The following LRPAP1 variants were observed in gnomAD, a reference collection of about 807,000 sequenced individuals.
LRPAP1 encodes LDL receptor related protein associated protein 1.
In LRPAP1, 41 loss-of-function variants were observed where a neutral mutation model predicts 39.9. The ratio of observed to expected loss-of-function variants is 1.03; its 90% CI spans 0.80 to 1.33. The LOEUF (loss-of-function observed/expected upper bound fraction) is 1.33, where lower values mean the gene tolerates loss of function less well. Ranked by LOEUF, LRPAP1 falls within the 40% of genes most tolerant of loss-of-function variation. The probability of loss-of-function intolerance (pLI) is 0.00; values close to 1 mark genes in which losing one functional copy is unlikely to be tolerated. For synonymous variants in LRPAP1, 263 were observed against 212.7 expected (o/e 1.24, Z -2.06); for missense variants, 565 against 482.3 (o/e 1.17, Z -1.61).
chr4:3,516,275 A>C, intron 5 of LRPAP1, 77 bp from the exon 6 acceptor site: 1 of 1,132,184 alleles, frequency 8.8e-7, no homozygotes, highest in Non-Finnish European at 1.3e-6. Flanking sequence ...AACCACGCTG[A>C]GTGTGCGTGG....
chr4:3,524,889 G>A lies in LRPAP1; in HGVS notation c.349+18C>T, dbSNP rs760060726. ...GAAGAGGGATACTCGACCTGCATTA[G>A]GAAAGAAACAAACGTACCATTGAGG... is the stretch of plus-strand genomic sequence containing the variant. On this transcript the variant is annotated intron_variant, in intron 2 of 7. Coordinates refer to ENST00000650182, the MANE Select transcript of LRPAP1 (RefSeq NM_002337.4). 2 of 1,612,054 alleles carry A rather than the reference G, an allele frequency of 1.2e-6. No homozygotes were observed. Among genetic ancestry groups the A allele is most frequent in the African/African-American group, 1.3e-5 (1 of 74,914 alleles).
At position 3,512,807 on chromosome 4, in the gene LRPAP1, G is replaced by C. The variant is rs1729570040; in HGVS notation, c.*167C>G. 8 of 610,090 alleles carry C rather than the reference G, an allele frequency of 1.3e-5. No individual in the cohort carries two copies. Among genetic ancestry groups the C allele is most frequent in the Middle Eastern group, 4.4e-4 (1 of 2,294 alleles). The allele number at this position is 610,090 out of a possible 1,614,324, so 37.8% of individuals were successfully genotyped here. ...CCAAATGCTACCACCACCAAGCCCT[G>C]TGTCGCGACGGCAGCGGCTGCAGTC... is the stretch of plus-strand genomic sequence containing the variant. On this transcript the variant is annotated 3_prime_UTR_variant, in exon 8 of 8. Coordinates refer to ENST00000650182, the MANE Select transcript of LRPAP1 (RefSeq NM_002337.4).
chr4:3,514,694 G>T, intron 7 of LRPAP1, 58 bp downstream of exon 7: 1 of 1,535,740 alleles, frequency 6.5e-7, no homozygotes, highest in Non-Finnish European at 8.8e-7. Context: ...GCATGTGGGC[G>T]GCCTCATCTT....
At chr4:3,517,509 A>T (rs567438114) in intron 5 of LRPAP1, among the ~76,000 whole-genome samples, 1 of 152,324 alleles carries the variant, frequency 6.6e-6, no homozygotes, top group East Asian at 1.9e-4. Flanking sequence ...ACCCTGCACA[A>T]GGCTCTGGCC....
intron 5 of LRPAP1, 135 bp downstream of exon 5, chr4:3,517,899 C>T (rs1342344739): frequency 8.8e-7 from 1 of 1,137,188 alleles, no homozygotes; most frequent in Non-Finnish European, 1.2e-6. Flanking sequence ...CGTGGGTAGA[C>T]TGAGCGCGCC....
intron 1 of LRPAP1, among the ~76,000 whole-genome samples, chr4:3,526,209 G>A (rs979283993): frequency 6.6e-6 from 1 of 152,122 alleles, no homozygotes; most frequent in Non-Finnish European, 1.5e-5. Flanking sequence ...CAAATCTCTC[G>A]GCTCTCAGGA....
At position 3,508,947 on chromosome 4, in the gene LRPAP1, CAG is replaced by C. The variant is rs1457769210; in HGVS notation, c.*4025_*4026del. ...AAGGGGAAGCAAAGCCACTGTCAGA[CAG>C]AGGACACGCGTGTGCACACGGAAAC... On this transcript the variant is annotated 3_prime_UTR_variant, in exon 8 of 8. Coordinates refer to ENST00000650182, the MANE Select transcript of LRPAP1 (RefSeq NM_002337.4). The C allele has an allele frequency of 3.9e-5, 6 of 152,146 alleles. 1 individual carries two copies. The highest frequency in any genetic ancestry group is 2.6e-4 in the Admixed American group (4 of 15,278). 9.4% of individuals were successfully genotyped at this position (152,146 alleles called of 1,614,324 possible).
rs754157722 is a variant in LRPAP1 at position 3,525,173 on chromosome 4, A to G, written c.205-122T>C. 9 of 1,092,526 alleles carry G rather than the reference A, an allele frequency of 8.2e-6. No individual in the cohort carries two copies. The African/African-American group carries it at 9.2e-5, about 11-fold the overall frequency. The allele number at this position is 1,092,526 out of a possible 1,614,324, so 67.7% of individuals were successfully genotyped here. A position where few individuals can be genotyped will look rare whatever the true frequency, so the allele number is the denominator to read the frequency against. ...TGGGAGACCAGGAAGAGGTGGAGTCAGGGTCACTGTCAGCAGGATTCAAAC... is the reference window on the plus strand; with the variant it reads ...TGGGAGACCAGGAAGAGGTGGAGTCGGGGTCACTGTCAGCAGGATTCAAAC... On this transcript the variant is annotated intron_variant, in intron 1 of 7. Coordinates refer to ENST00000650182, the MANE Select transcript of LRPAP1 (RefSeq NM_002337.4).
At chr4:3,515,839 A>G in intron 6 of LRPAP1, 1 of 491,094 alleles carries the variant, frequency 2.0e-6, no homozygotes, top group Non-Finnish European at 3.7e-6. Flanking sequence ...CCAACTGTTG[A>G]CCATCCACAG....
chr4:3,531,905 G>A, intron 1 of LRPAP1: 1 of 495,184 alleles, frequency 2.0e-6, no homozygotes, highest in Non-Finnish European at 3.6e-6. Flanking sequence ...ATCTAGCCTG[G>A]TTCTGTCCCT....
At chr4:3,524,383 C>A (rs959161635) in intron 2 of LRPAP1, among the ~76,000 whole-genome samples, 1 of 152,182 alleles carries the variant, frequency 6.6e-6, no homozygotes, top group Non-Finnish European at 1.5e-5. Context: ...GGAGTATGTC[C>A]CCAAAACTTC....
rs949783602 is a variant in LRPAP1, at chr4:3,506,672, G to A, written c.*6302C>T. 1.3e-5 allele frequency: 2 copies of A among 152,064 alleles called. No individual in the cohort carries two copies. Among genetic ancestry groups the A allele is most frequent in the Admixed American group, 6.6e-5 (1 of 15,260 alleles). 9.4% of individuals were successfully genotyped at this position (152,064 alleles called of 1,614,324 possible). ...CAGGCATGAGCCACCGCACCCGGCC[G>A]GCTCGAGCTGTTTTTAAGAGGATAT... On this transcript the variant is annotated 3_prime_UTR_variant, in exon 8 of 8. Transcript: ENST00000650182.
rs549103008 is a variant in LRPAP1 at position 3,508,422 on chromosome 4, C to A, written c.*4552G>T. ...TGAAACAAATAATGCCAATCCTATACAAACTATGGCAGAACTTGTTTCAGG... is the reference window on the plus strand; with the variant it reads ...TGAAACAAATAATGCCAATCCTATAAAAACTATGGCAGAACTTGTTTCAGG... On this transcript the variant is annotated 3_prime_UTR_variant, in exon 8 of 8. Coordinates refer to ENST00000650182, the MANE Select transcript of LRPAP1 (RefSeq NM_002337.4). 3 of 152,190 alleles carry A rather than the reference C, an allele frequency of 2.0e-5. No individual in the cohort carries two copies. The highest frequency in any genetic ancestry group is 2.9e-5 in the Non-Finnish European group (2 of 68,034). 9.4% of individuals were successfully genotyped at this position (152,190 alleles called of 1,614,324 possible).
rs1730277960 is a variant in LRPAP1 at position 3,532,215 on chromosome 4, G to C, written c.198C>G (p.Ala66=). Residue 66 remains alanine, a synonymous_variant, in exon 1 of 8, where the codon GCC becomes GCG. Coordinates refer to ENST00000650182, the MANE Select transcript of LRPAP1 (RefSeq NM_002337.4). The part of the protein sequence containing the change: ...MEKLNQLWEK[A]QRLHLPPVRL... ...GACCGCGGGCCGCGCTCACTCGCTG[G>C]GCCTTCTCCCACAGCTGGTTCAACT... 2 of 1,550,040 alleles carry C rather than the reference G, an allele frequency of 1.3e-6. No homozygotes were observed. The highest frequency in any genetic ancestry group is 1.7e-6 in the Non-Finnish European group (2 of 1,146,624).
At chr4:3,515,934 ACACGAGTTCC>A (rs1344680007) in intron 6 of LRPAP1, 172 bp downstream of exon 6, 4 of 632,378 alleles carry the variant, frequency 6.3e-6, no homozygotes, top group South Asian at 2.0e-5. Flanking sequence ...CGCCCCTGAA[ACACGAGTTCC>A]CACGCAGATG....
rs543361949 is a variant in LRPAP1 at position 3,503,696 on chromosome 4, C to G, written c.*9278G>C. The G allele has an allele frequency of 1.3e-5, 2 of 152,220 alleles. No individual in the cohort carries two copies. The highest frequency in any genetic ancestry group is 2.9e-5 in the Non-Finnish European group (2 of 68,044). 9.4% of individuals were successfully genotyped at this position (152,220 alleles called of 1,614,324 possible). On this transcript the variant is annotated 3_prime_UTR_variant, in exon 8 of 8. Transcript: ENST00000650182. Reference sequence around the variant, plus strand: ...TTAGGGAAATGTGGTTAGTGTGGTACGTTGAGGGAAACTTATAACCTCACG... The same window carrying G: ...TTAGGGAAATGTGGTTAGTGTGGTAGGTTGAGGGAAACTTATAACCTCACG...
chr4:3,520,424 C>T (rs1237955024), intron 2 of LRPAP1, among the ~76,000 whole-genome samples: 2 of 152,216 alleles, frequency 1.3e-5, no homozygotes, highest in Non-Finnish European at 2.9e-5. Context: ...ACTCACGGGA[C>T]ACCCCCAGGA....
rs201496652 is a variant in LRPAP1, at chr4:3,514,812, C to T, written c.951G>A (p.Val317=). 1.2e-6 allele frequency: 2 copies of T among 1,613,312 alleles called. No homozygotes were observed. The highest frequency in any genetic ancestry group is 2.2e-5 in the East Asian group (1 of 44,882). ...GGGCGTGCTTCTCGCGGCTGCGGCT[C>T]ACACGCTCGCCGTCGCCCACGCTCT... ...HAESVGDGER[V]SRSREKHALL... The change falls in exon 7 of 8, where the codon GTG becomes GTA. Residue 317 remains valine (V), a synonymous_variant. Transcript: ENST00000650182.
At position 3,510,867 on chromosome 4, in the gene LRPAP1, G is replaced by A. The variant is rs552081108; in HGVS notation, c.*2107C>T. 15 of 152,402 alleles carry A rather than the reference G, an allele frequency of 9.8e-5. No individual in the cohort carries two copies. The highest frequency in any genetic ancestry group is 9.8e-4 in the Admixed American group (15 of 15,308). 9.4% of individuals were successfully genotyped at this position (152,402 alleles called of 1,614,324 possible). On this transcript the variant is annotated 3_prime_UTR_variant, in exon 8 of 8. Transcript: ENST00000650182. ...TAGGAGTCAGAATGGGTACCCCTGT[G>A]GGACTGGCTCTGCGGAGTGGAGGGC...
Sources: allele counts gnomAD v4.1 joint callset (sites outside exome capture counted in the v4.1 genomes callset), GRCh38; gene constraint gnomAD v4.1.1; transcripts MANE v1.5; gene names NCBI Gene and HGNC (gene_info 2026-07-23, HGNC 2026-07-21).